The following ECPAS variants were observed in gnomAD, a reference collection of about 807,000 sequenced individuals.
ECPAS encodes the protein Ecm29 proteasome adaptor and scaffold.
A neutral mutation model predicts 255.1 loss-of-function variants in ECPAS; 70 were observed. The ratio of observed to expected loss-of-function variants is 0.27; its 90% CI spans 0.23 to 0.33. ECPAS has a LOEUF of 0.33. ECPAS is among the 10% of genes least tolerant of loss of function. The pLI, the probability that ECPAS is intolerant of heterozygous loss-of-function variation, is 1.00. For missense variants in ECPAS, 1,817 were observed against 2,206.4 expected (o/e 0.82, Z 3.54); for synonymous variants, 784 against 775.0 (o/e 1.01, Z -0.19).
chr9:111,417,622 C>G (rs1466632163), intron 17 of ECPAS, among the ~76,000 whole-genome samples: 1 of 151,976 alleles, frequency 6.6e-6, no homozygotes. Flanking sequence ...TGGCAGGCGC[C>G]TATAATCCCA....
chr9:111,414,552 G>A lies in ECPAS; in HGVS notation c.1864C>T (p.Arg622Cys), dbSNP rs576592834. 36 of 1,613,976 alleles carry A rather than the reference G, an allele frequency of 2.2e-5. No individual in the cohort carries two copies. In the East Asian group the frequency reaches 4.7e-4, roughly 21 times the overall value. Reference protein sequence around the residue: ...DMQDHAPAIGRYIRTLMSSGQ... With the variant: ...DMQDHAPAIGCYIRTLMSSGQ... ...CTTGACATTAAAGTCCGTATGTAGC[G>A]CCCAATGGCTGGGGCATGATCCTGC... The change falls in exon 19 of 50, where the codon CGC becomes TGC. Residue 622 changes from arginine to cysteine, a missense_variant. Arg to Cys is a radical substitution (Grantham distance 180, BLOSUM62 -3). Around this residue, in one of 4 missense-constraint regions of ECPAS, gnomAD observed 573 missense variants for 716.2 expected, o/e 0.80. Coordinates refer to ENST00000684092, the MANE Select transcript of ECPAS (RefSeq NM_001364929.1).
intron 2 of ECPAS, among the ~76,000 whole-genome samples, chr9:111,465,614 T>C (rs1345645033): frequency 2.0e-5 from 3 of 151,414 alleles, no homozygotes; most frequent in Non-Finnish European, 4.4e-5. Context: ...TATATATATA[T>C]ATATTCCATG....
At chr9:111,393,985 A>G (rs1314485707) in intron 26 of ECPAS, among the ~76,000 whole-genome samples, 175 bp downstream of exon 26, 1 of 152,204 alleles carries the variant, frequency 6.6e-6, no homozygotes, top group Non-Finnish European at 1.5e-5. Flanking sequence ...TTATTCCTTC[A>G]AGGCTAGAAT....
rs199669567 is a variant in ECPAS at position 111,386,475 on chromosome 9, T to C, written c.3448-19A>G. The C allele has an allele frequency of 3.4e-5, 48 of 1,398,086 alleles. No individual in the cohort carries two copies. The highest frequency in any genetic ancestry group is 4.7e-5 in the Non-Finnish European group (47 of 996,916). 86.6% of individuals were successfully genotyped at this position (1,398,086 alleles called of 1,614,324 possible). A position where few individuals can be genotyped will look rare whatever the true frequency, so the allele number is the denominator to read the frequency against. ...TATCCACCTAATGAAAGCAAAAGGA[T>C]AAAATTTAAAATGCAAAATCCATCA... On this transcript the variant is annotated intron_variant, in intron 31 of 49. Transcript: ENST00000684092.
chr9:111,474,712 C>A (rs1363748014), intron 1 of ECPAS, among the ~76,000 whole-genome samples: 5 of 152,222 alleles, frequency 3.3e-5, no homozygotes. Context: ...TTACATCCCA[C>A]ACCAAAAATA....
rs954124316 is a variant in ECPAS, at chr9:111,396,193, AT to A, written c.2776+836del. Among the ~76,000 whole-genome samples the A allele has an allele frequency of 1.1e-3, 173 of 151,936 alleles. 2 individuals are homozygous for A. In the Middle Eastern group the frequency reaches 0.024, roughly 21 times the overall value. Reference sequence around the variant, plus strand: ...TGTGGTGACTTTTCCTTCTGTTTAAATTTTTTTTTATTCTAGCTCAAATACT... The same window carrying A: ...TGTGGTGACTTTTCCTTCTGTTTAAATTTTTTTTATTCTAGCTCAAATACT... On this transcript the variant is annotated intron_variant, in intron 25 of 49. Coordinates refer to ENST00000684092, the MANE Select transcript of ECPAS (RefSeq NM_001364929.1).
intron 17 of ECPAS, 112 bp downstream of exon 17, chr9:111,417,769 GAA>G (rs902246447): frequency 3.8e-6 from 4 of 1,061,950 alleles, no homozygotes; most frequent in Non-Finnish European, 5.2e-6. Flanking sequence ...GAAAAGAAAA[GAA>G]AAAGAAATTT....
intron 36 of ECPAS, among the ~76,000 whole-genome samples, chr9:111,378,021 C>G (rs905750585): frequency 6.6e-6 from 1 of 152,066 alleles, no homozygotes; most frequent in East Asian, 1.9e-4. Context: ...TGGCGCTCAC[C>G]TGTAATCTCA....
intron 10 of ECPAS, among the ~76,000 whole-genome samples, 163 bp from the exon 11 acceptor site, chr9:111,425,991 A>T (rs1024466745): frequency 6.6e-6 from 1 of 152,228 alleles, no homozygotes; most frequent in Non-Finnish European, 1.5e-5. Flanking sequence ...AGCCAATCAG[A>T]AGCTCCTATA....
At chr9:111,363,112 C>T (rs2098115870) in intron 49 of ECPAS, among the ~76,000 whole-genome samples, 1 of 151,350 alleles carries the variant, frequency 6.6e-6, no homozygotes, top group Admixed American at 6.6e-5. Flanking sequence ...ACAGTTCCCC[C>T]CCACCCCACC....
intron 32 of ECPAS, 29 bp from the exon 33 acceptor site, chr9:111,385,471 T>A: frequency 8.0e-7 from 1 of 1,255,188 alleles, no homozygotes; most frequent in Admixed American, 2.2e-5. Flanking sequence ...TTTCAATATA[T>A]GATGAAAAAG....
At chr9:111,368,895 A>G in intron 46 of ECPAS, 140 bp downstream of exon 46, 1 of 793,316 alleles carries the variant, frequency 1.3e-6, no homozygotes, top group South Asian at 2.8e-5. Context: ...GTAGACAAAA[A>G]ACTTTCACTG....
chr9:111,379,962 C>A (rs1047720325), intron 35 of ECPAS, among the ~76,000 whole-genome samples: 1 of 152,188 alleles, frequency 6.6e-6, no homozygotes, highest in African/African-American at 2.4e-5. Flanking sequence ...AAGTTGGAAT[C>A]AACTTCTTCC....
chr9:111,425,807 CA>C lies in ECPAS; in HGVS notation c.1071del (p.Phe357LeufsTer9). 2.5e-6 allele frequency: 4 copies of C among 1,573,248 alleles called. No individual in the cohort carries two copies. Among genetic ancestry groups the C allele is most frequent in the South Asian group, 1.1e-5 (1 of 88,052 alleles). On this transcript the variant is annotated frameshift_variant, in exon 11 of 50. Coordinates refer to ENST00000684092, the MANE Select transcript of ECPAS (RefSeq NM_001364929.1). LOFTEE classifies it high-confidence loss of function. Reference sequence around the variant, plus strand: ...CTTAACTTTGAATTTGTATTTGTACCAAAAAGTCCATCATACACCACCTATG... The same window carrying C: ...CTTAACTTTGAATTTGTATTTGTACCAAAAGTCCATCATACACCACCTATG... ...ANIQVVYDGL[F>X]GTNTNSKLRT... is the part of the protein sequence containing the mutation.
chr9:111,399,443 G>A (rs2098172330), intron 24 of ECPAS, among the ~76,000 whole-genome samples: 1 of 152,184 alleles, frequency 6.6e-6, no homozygotes, highest in South Asian at 2.1e-4. Flanking sequence ...GGGTGAAGCA[G>A]AGCAAAATGA....
At chr9:111,468,743 C>T (rs1325323594) in intron 2 of ECPAS, among the ~76,000 whole-genome samples, 2 of 143,872 alleles carry the variant, frequency 1.4e-5, no homozygotes, top group East Asian at 4.5e-4. Flanking sequence ...AAGTGGGAGC[C>T]CAGAAACTAA....
chr9:111,458,027 A>G (rs1020824343), intron 2 of ECPAS, among the ~76,000 whole-genome samples: 1 of 152,210 alleles, frequency 6.6e-6, no homozygotes. Context: ...CACATGAGAA[A>G]CACACATTAA....
chr9:111,448,846 A>G (rs528965515), intron 3 of ECPAS, among the ~76,000 whole-genome samples: 1 of 152,362 alleles, frequency 6.6e-6, no homozygotes, highest in Admixed American at 6.5e-5. Flanking sequence ...TAAAATGACC[A>G]AACTGCACAT....
chr9:111,376,540 G>A lies in ECPAS; in HGVS notation c.3956C>T (p.Ala1319Val). ...LSLRATEQEK[A>V]AMDSARLSAA... ...ACTAAGCCGAGCACTATCCATCGCA[G>A]CCTAAAGAAGAGAAATTAAAGTCAC... The change falls in exon 37 of 50, where the codon GCT (alanine) becomes GTT (valine). Residue 1319 changes from alanine to valine, a missense_variant and splice_region_variant. Around this residue, in one of 4 missense-constraint regions of ECPAS, gnomAD observed 960 missense variants for 1,179.0 expected, o/e 0.81. Coordinates refer to ENST00000684092, the MANE Select transcript of ECPAS (RefSeq NM_001364929.1). 6.3e-7 allele frequency: 1 copy of A among 1,593,116 alleles called. No individual in the cohort carries two copies. Among genetic ancestry groups the A allele is most frequent in the Non-Finnish European group, 8.6e-7 (1 of 1,169,096 alleles).
Sources: gnomAD v4.1 joint callset for allele counts (sites outside exome capture counted in the v4.1 genomes callset) on GRCh38, gnomAD v4.1.1 for gene constraint, gnomAD v4.1.1 regional missense constraint, MANE v1.5 for transcripts, NCBI Gene and HGNC (gene_info 2026-07-23, HGNC 2026-07-21) for gene names.